The following DPP6 variants were observed in gnomAD, a reference collection of about 807,000 sequenced individuals.
DPP6 encodes A-type potassium channel modulatory protein DPP6.
DPP6 carries 69 observed loss-of-function variants against 122.6 expected under a neutral mutation model. The ratio of observed to expected loss-of-function variants is 0.56; its 90% CI spans 0.46 to 0.69. The LOEUF is 0.69. Among genes scored for constraint, DPP6 ranks in the 30% least tolerant of loss-of-function variants. DPP6 has a pLI of 0.00. For missense variants in DPP6, 928 were observed against 1,116.9 expected, an observed-to-expected ratio of 0.83 and a Z score of 2.41; for synonymous variants, 418 against 433.1, an observed-to-expected ratio of 0.97 and a Z score of 0.43.
At chr7:154,860,920 C>T (rs566224654) in intron 17 of DPP6, among the ~76,000 whole-genome samples, 17 of 152,280 alleles carry the variant, frequency 1.1e-4, no homozygotes, top group African/African-American at 4.1e-4. Flanking sequence ...GAGATAAAAG[C>T]CAGCTCTTTC....
intron 1 of DPP6, among the ~76,000 whole-genome samples, chr7:154,398,062 C>A (rs1815242018): frequency 6.6e-6 from 1 of 152,280 alleles, no homozygotes; most frequent in South Asian, 2.1e-4. Flanking sequence ...CATGGTAAAA[C>A]TGTTAGGAAG....
intron 10 of DPP6, among the ~76,000 whole-genome samples, chr7:154,789,584 A>G (rs186009468): frequency 1.5e-3 from 234 of 152,364 alleles, no homozygotes; most frequent in Non-Finnish European, 2.1e-3. Flanking sequence ...CTCTTTAGAC[A>G]TGATAACACA....
intron 1 of DPP6, among the ~76,000 whole-genome samples, chr7:154,168,113 T>C (rs4131646): frequency 0.82 from 124,542 of 152,160 alleles, 51,356 homozygotes; most frequent in East Asian, 1. Flanking sequence ...CTCTAAGAAA[T>C]AGAGCCACTG....
intron 8 of DPP6, among the ~76,000 whole-genome samples, chr7:154,745,975 C>A (rs1260523244): frequency 6.6e-6 from 1 of 152,120 alleles, no homozygotes; most frequent in African/African-American, 2.4e-5. Context: ...GGAAGCCAGG[C>A]CATAGCAGGG....
chr7:154,148,000 A>G (rs1449971944), intron 1 of DPP6, among the ~76,000 whole-genome samples: 2,114 of 142,170 alleles, frequency 0.015, no homozygotes, highest in African/African-American at 0.06. Flanking sequence ...TCCCGATCAC[A>G]CTTGTCCCAG....
intron 16 of DPP6, among the ~76,000 whole-genome samples, chr7:154,817,116 G>T (rs1443274930): frequency 6.6e-6 from 1 of 152,136 alleles, no homozygotes; most frequent in Admixed American, 6.6e-5. Context: ...GTCCACGAAG[G>T]TGCCATTAAG....
chr7:154,377,484 C>T (rs1308161197), intron 1 of DPP6, among the ~76,000 whole-genome samples: 2 of 152,176 alleles, frequency 1.3e-5, no homozygotes, highest in Non-Finnish European at 2.9e-5. Context: ...ACCCAAATCT[C>T]ATGTTGAATT....
chr7:153,847,112 A>G, the DPP6 span, among the ~76,000 whole-genome samples: 1 of 152,154 alleles, frequency 6.6e-6, no homozygotes, highest in East Asian at 1.9e-4. Context: ...AATATCTGTG[A>G]TTTTTTAAAA....
At chr7:154,316,149 A>G (rs1209013461) in intron 1 of DPP6, among the ~76,000 whole-genome samples, 2 of 152,108 alleles carry the variant, frequency 1.3e-5, no homozygotes, top group Non-Finnish European at 2.9e-5. Flanking sequence ...GAGAAATCAA[A>G]TCTCCCTCTG....
chr7:154,392,950 A>G (rs972719669), intron 1 of DPP6, among the ~76,000 whole-genome samples: 5 of 152,208 alleles, frequency 3.3e-5, no homozygotes, highest in African/African-American at 1.2e-4. Flanking sequence ...CTTAAAAGAG[A>G]ATTCAGGAGA....
chr7:154,375,647 AC>A (rs1396234311), intron 1 of DPP6, among the ~76,000 whole-genome samples: 1 of 151,592 alleles, frequency 6.6e-6, no homozygotes, highest in African/African-American at 2.4e-5. Context: ...GGAGCCATCC[AC>A]AAGCCAGGAA....
At chr7:154,494,238 C>T (rs1330875214) in intron 3 of DPP6, among the ~76,000 whole-genome samples, 2 of 151,952 alleles carry the variant, frequency 1.3e-5, no homozygotes, top group African/African-American at 4.8e-5. Flanking sequence ...CACCTGTAGT[C>T]CCAGCTACTC....
intron 8 of DPP6, among the ~76,000 whole-genome samples, chr7:154,738,172 G>A (rs1179354623): frequency 6.6e-6 from 1 of 152,230 alleles, no homozygotes; most frequent in African/African-American, 2.4e-5. Context: ...ATTTACCATG[G>A]AAAAGGCGGG....
chr7:153,779,192 G>A, the DPP6 span, among the ~76,000 whole-genome samples: 1 of 147,646 alleles, frequency 6.8e-6, no homozygotes, highest in Admixed American at 6.7e-5. Flanking sequence ...GAAGGAACTA[G>A]GGTACCTTGG....
In DPP6 at chr7:154,624,670, G is replaced by A. The variant is rs760153378; in HGVS notation, c.628-13151G>A. Among the ~76,000 whole-genome samples the A allele has an allele frequency of 1.3e-5, 2 of 152,088 alleles. No individual in the cohort carries two copies. The highest frequency in any genetic ancestry group is 2.4e-5 in the African/African-American group (1 of 41,418). On this transcript the variant is annotated intron_variant, in intron 5 of 25. Coordinates refer to ENST00000377770, the MANE Select transcript of DPP6 (RefSeq NM_130797.4). The surrounding 1 kb of genome is among the most constrained non-coding windows in gnomAD (Gnocchi z 4.7). Reference sequence around the variant, plus strand: ...CTGCTCTGCACACAAACAATAGAAAGCAATGGAGCCCTTGTTAGAAACACA... The same window carrying A: ...CTGCTCTGCACACAAACAATAGAAAACAATGGAGCCCTTGTTAGAAACACA...
chr7:154,452,745 G>A (rs1309330594), intron 2 of DPP6, among the ~76,000 whole-genome samples: 6 of 152,144 alleles, frequency 3.9e-5, no homozygotes, highest in Non-Finnish European at 7.4e-5. Flanking sequence ...TCCTGATGAC[G>A]CAGACCTGGA....
In DPP6 at chr7:154,760,789, A is replaced by C. The variant is rs1388405179; in HGVS notation, c.884-8628A>C. ...GAAAGAGAGAAGACAAAACAAAAAG[A>C]AGGGTAAAGGAGCCTGGCATACTGG... On this transcript the variant is annotated intron_variant, in intron 8 of 25. Coordinates refer to ENST00000377770, the MANE Select transcript of DPP6 (RefSeq NM_130797.4). The surrounding 1 kb of genome is among the most constrained non-coding windows in gnomAD (Gnocchi z 4.5). Among the ~76,000 whole-genome samples, 1 of 152,000 alleles carries C rather than the reference A, an allele frequency of 6.6e-6. No homozygotes were observed. The highest frequency in any genetic ancestry group is 2.4e-5 in the African/African-American group (1 of 41,388).
At chr7:153,767,151 A>G in the DPP6 span, among the ~76,000 whole-genome samples, 55 of 152,276 alleles carry the variant, frequency 3.6e-4, no homozygotes, top group African/African-American at 1.2e-3. Flanking sequence ...AAGCCCAGAA[A>G]TTCCTCCTTG....
chr7:154,207,042 A>G (rs939115644), intron 1 of DPP6, among the ~76,000 whole-genome samples: 2 of 152,230 alleles, frequency 1.3e-5, no homozygotes, highest in Non-Finnish European at 2.9e-5. Context: ...ACATAGCTGG[A>G]GACACAAAAG....
Sources: gnomAD v4.1 joint callset for allele counts (sites outside exome capture counted in the v4.1 genomes callset) on GRCh38, gnomAD v4.1.1 for gene constraint, Gnocchi (gnomAD v3.1) non-coding constraint, MANE v1.5 for transcripts, NCBI Gene and HGNC (gene_info 2026-07-23, HGNC 2026-07-21) for gene names.